Variants in DPYD observed in about 807,000 individuals in gnomAD.
DPYD encodes dihydropyrimidine dehydrogenase, also known as dihydropyrimidine dehydrogenase [NADP(+)].
DPYD carries 109 observed loss-of-function variants against 116.2 expected under a neutral mutation model. The ratio of observed to expected loss-of-function variants is 0.94; its 90% CI spans 0.80 to 1.10. The LOEUF (loss-of-function observed/expected upper bound fraction) is 1.10. DPYD is among the 50% of genes least tolerant of loss of function. The pLI, the probability that DPYD is intolerant of heterozygous loss-of-function variation, is 0.00. For missense variants in DPYD, 1,302 were observed against 1,254.5 expected, an observed-to-expected ratio of 1.04 and a Z score of -0.57; for synonymous variants, 440 against 432.0, an observed-to-expected ratio of 1.02 and a Z score of -0.23.
chr1:97,857,969 T>C (rs1670931197), intron 2 of DPYD, among the ~76,000 whole-genome samples: 2 of 152,010 alleles, frequency 1.3e-5, no homozygotes, highest in Admixed American at 6.6e-5. Context: ...GTCAAACAAG[T>C]CTTCTGTGTG....
chr1:97,415,174 C>T (rs1245605420), intron 14 of DPYD, among the ~76,000 whole-genome samples: 1 of 152,106 alleles, frequency 6.6e-6, no homozygotes, highest in Non-Finnish European at 1.5e-5. Flanking sequence ...AACTCTAGGA[C>T]ATTGGTAGAA....
At chr1:97,714,064 T>C (rs1397876406) in intron 5 of DPYD, among the ~76,000 whole-genome samples, 1 of 152,158 alleles carries the variant, frequency 6.6e-6, no homozygotes, top group Non-Finnish European at 1.5e-5. Context: ...TTGATCAGTT[T>C]GTCAAACTGT....
chr1:97,102,459 T>TTATCTATCTATCTATCTATC (rs1236741247), intron 20 of DPYD, among the ~76,000 whole-genome samples: 2,208 of 125,060 alleles, frequency 0.018, 35 homozygotes, highest in Non-Finnish European at 0.021. Context: ...CTGAAATCTA[T>TTATCTATCTATCTATCTATC]TATCTATCTA....
At chr1:97,195,861 G>T (rs2101832285) in intron 19 of DPYD, among the ~76,000 whole-genome samples, 1 of 151,030 alleles carries the variant, frequency 6.6e-6, no homozygotes, top group East Asian at 2.0e-4. Context: ...CTGCAGAAAG[G>T]TCAGGAATAT....
intron 16 of DPYD, among the ~76,000 whole-genome samples, chr1:97,324,921 A>G (rs1350736103): frequency 6.6e-6 from 1 of 152,116 alleles, no homozygotes; most frequent in Non-Finnish European, 1.5e-5. Flanking sequence ...TTAAATTAAA[A>G]TATGATCTCC....
intron 11 of DPYD, among the ~76,000 whole-genome samples, chr1:97,573,263 A>G (rs868355583): frequency 1.5e-4 from 23 of 152,070 alleles, no homozygotes; most frequent in African/African-American, 5.3e-4. Flanking sequence ...ATGCTCATTT[A>G]TGCCATCCAG....
chr1:97,173,547 TTTA>T (rs1414131148), intron 20 of DPYD, among the ~76,000 whole-genome samples: 1 of 149,850 alleles, frequency 6.7e-6, no homozygotes, highest in African/African-American at 2.5e-5. Flanking sequence ...GTATTTAGAG[TTTA>T]TTACTATTTT....
At chr1:97,900,311 T>C (rs1413347188) in intron 1 of DPYD, among the ~76,000 whole-genome samples, 2 of 151,876 alleles carry the variant, frequency 1.3e-5, no homozygotes, top group African/African-American at 2.4e-5. Flanking sequence ...TAAAGTTCTG[T>C]CTTCTTTAAG....
In DPYD at chr1:97,309,068, T is replaced by C. The variant is rs149890681; in HGVS notation, c.2059-2771A>G. On this transcript the variant is annotated intron_variant, in intron 16 of 22. Transcript: ENST00000370192. ...TATATCCATCAAAATATAAACTATG[T>C]CTAGATTTAAGAAAAACCCAGCTAT... 1.6e-3 allele frequency among the ~76,000 whole-genome samples: 248 copies of C among 151,982 alleles called. 1 individual carries two copies. The highest frequency in any genetic ancestry group is 5.7e-3 in the African/African-American group (238 of 41,532).
At chr1:97,193,925 T>G (rs758158874) in intron 19 of DPYD, among the ~76,000 whole-genome samples, 1 of 152,222 alleles carries the variant, frequency 6.6e-6, no homozygotes, top group Non-Finnish European at 1.5e-5. Context: ...ATGTCCCTTC[T>G]TCAAGGAGGC....
chr1:97,541,165 T>C (rs1650424521), intron 12 of DPYD, among the ~76,000 whole-genome samples: 1 of 152,172 alleles, frequency 6.6e-6, no homozygotes, highest in Non-Finnish European at 1.5e-5. Flanking sequence ...ACCTACGAAA[T>C]TTCTGCTTTT....
intron 18 of DPYD, among the ~76,000 whole-genome samples, chr1:97,245,239 C>T (rs189105150): frequency 5.7e-4 from 86 of 152,046 alleles, no homozygotes; most frequent in Non-Finnish European, 1.1e-3. Flanking sequence ...AAGGCAGGGC[C>T]GTGTGGTTAG....
intron 18 of DPYD, among the ~76,000 whole-genome samples, chr1:97,238,242 T>C (rs1318795506): frequency 1.3e-5 from 2 of 152,196 alleles, no homozygotes; most frequent in Admixed American, 1.3e-4. Context: ...CTATGTTCTC[T>C]GAGGAAATGA....
intron 20 of DPYD, among the ~76,000 whole-genome samples, chr1:97,100,778 T>A (rs1295909971): frequency 6.6e-6 from 1 of 152,112 alleles, no homozygotes; most frequent in East Asian, 1.9e-4. Context: ...TTTCAAATTA[T>A]TTCAACAATG....
At chr1:97,529,486 G>T (rs1003661163) in intron 12 of DPYD, among the ~76,000 whole-genome samples, 3 of 151,860 alleles carry the variant, frequency 2.0e-5, no homozygotes, top group Non-Finnish European at 4.4e-5. Flanking sequence ...TTTTTCCACA[G>T]CCTTATTGAG....
chr1:97,666,953 C>T (rs1249986939), intron 8 of DPYD, among the ~76,000 whole-genome samples: 1 of 152,180 alleles, frequency 6.6e-6, no homozygotes, highest in African/African-American at 2.4e-5. Context: ...AACTAATGTT[C>T]TTAAGTAATT....
intron 12 of DPYD, among the ~76,000 whole-genome samples, chr1:97,517,600 T>C (rs1648323771): frequency 6.6e-6 from 1 of 152,154 alleles, no homozygotes; most frequent in South Asian, 2.1e-4. Context: ...CTGGTCCCAC[T>C]AACCAGCCTC....
At chr1:97,841,250 A>G (rs1437492469) in intron 2 of DPYD, among the ~76,000 whole-genome samples, 2 of 152,098 alleles carry the variant, frequency 1.3e-5, no homozygotes, top group Non-Finnish European at 2.9e-5. Context: ...TTACAGTATC[A>G]GTTTTAAAAT....
At chr1:97,131,611 T>C (rs1653350561) in intron 20 of DPYD, among the ~76,000 whole-genome samples, 1 of 151,972 alleles carries the variant, frequency 6.6e-6, no homozygotes, top group Non-Finnish European at 1.5e-5. Context: ...TAACTATTTG[T>C]GTGTGTGTGT....
Sources: allele counts gnomAD v4.1 joint callset (sites outside exome capture counted in the v4.1 genomes callset), GRCh38; gene constraint gnomAD v4.1.1; transcripts MANE v1.5; gene names NCBI Gene and HGNC (gene_info 2026-07-23, HGNC 2026-07-21).